WWOX: variants seen among roughly 807,000 people sequenced by gnomAD.
WWOX encodes the protein WW domain containing oxidoreductase.
In WWOX, 69 loss-of-function variants were observed where a neutral mutation model predicts 46.2. The observed-to-expected ratio is 1.49, with a 90% CI of 1.23 to 1.82. The LOEUF is 1.82. Ranked by LOEUF, WWOX falls within the 40% of genes most tolerant of loss-of-function variation. The pLI is 0.00. For synonymous variants in WWOX, 359 were observed against 202.6 expected, an observed-to-expected ratio of 1.77 and a Z score of -6.56; for missense variants, 919 against 542.6, an observed-to-expected ratio of 1.69 and a Z score of -6.89.
chr16:78,982,009 T>A (rs1459171621), intron 8 of WWOX, among the ~76,000 whole-genome samples: 3 of 152,190 alleles, frequency 2.0e-5, no homozygotes, highest in East Asian at 1.9e-4. Flanking sequence ...AATCTCAGTT[T>A]CAACATCTGT....
intron 5 of WWOX, among the ~76,000 whole-genome samples, chr16:78,377,463 C>T (rs776845663): frequency 3.2e-4 from 49 of 152,244 alleles, no homozygotes; most frequent in Non-Finnish European, 6.3e-4. Context: ...GCCTGCAATC[C>T]TTCAGGAAAA....
At chr16:78,383,796 A>C (rs1430088215) in intron 5 of WWOX, among the ~76,000 whole-genome samples, 3 of 152,156 alleles carry the variant, frequency 2.0e-5, no homozygotes. Flanking sequence ...GGGCAAGAGA[A>C]TTGCCTGAAT....
intron 5 of WWOX, among the ~76,000 whole-genome samples, chr16:78,376,157 G>A (rs909113916): frequency 4.6e-5 from 7 of 152,174 alleles, no homozygotes; most frequent in South Asian, 2.1e-4. Context: ...GCCGCTTCTC[G>A]TAGATACTAC....
chr16:78,713,419 G>C (rs1026346618), intron 8 of WWOX, among the ~76,000 whole-genome samples: 1 of 151,512 alleles, frequency 6.6e-6, no homozygotes, highest in Non-Finnish European at 1.5e-5. Flanking sequence ...TTTGGTATCT[G>C]TTAGGAGCTG....
intron 8 of WWOX, among the ~76,000 whole-genome samples, chr16:79,074,656 T>C (rs887726300): frequency 6.6e-6 from 1 of 152,072 alleles, no homozygotes; most frequent in Admixed American, 6.6e-5. Flanking sequence ...GATGAGGTAA[T>C]GTTTGTAAAG....
At chr16:78,633,776 TGTG>T (rs1187657328) in intron 8 of WWOX, among the ~76,000 whole-genome samples, 1 of 152,230 alleles carries the variant, frequency 6.6e-6, no homozygotes, top group Non-Finnish European at 1.5e-5. Context: ...GACTCCAGGC[TGTG>T]GTGTGCGGTG....
chr16:78,431,088 G>C (rs1008554504), intron 7 of WWOX, among the ~76,000 whole-genome samples: 1 of 152,116 alleles, frequency 6.6e-6, no homozygotes, highest in African/African-American at 2.4e-5. Flanking sequence ...AATTCCTTTT[G>C]TTTGCTGTGA....
intron 8 of WWOX, among the ~76,000 whole-genome samples, chr16:78,835,052 G>A (rs972305781): frequency 7.9e-5 from 12 of 152,174 alleles, no homozygotes; most frequent in African/African-American, 1.7e-4. Flanking sequence ...TTTGGAGGGC[G>A]TTAGTGTGCC....
chr16:79,147,356 A>C (rs1224136983), intron 8 of WWOX, among the ~76,000 whole-genome samples: 1 of 152,158 alleles, frequency 6.6e-6, no homozygotes, highest in East Asian at 1.9e-4. Flanking sequence ...ATAGTATGTA[A>C]TCTTTTGGGG....
intron 8 of WWOX, among the ~76,000 whole-genome samples, chr16:78,935,833 G>T (rs527250958): frequency 6.6e-6 from 1 of 152,178 alleles, no homozygotes; most frequent in East Asian, 1.9e-4. Flanking sequence ...GATCACTTCA[G>T]CTCAGGTGGT....
chr16:78,477,244 T>C (rs1424243014), intron 8 of WWOX, among the ~76,000 whole-genome samples: 2 of 152,204 alleles, frequency 1.3e-5, no homozygotes, highest in Non-Finnish European at 2.9e-5. Context: ...AAGGGGATGA[T>C]CTTCTAGTCT....
chr16:79,021,380 C>T (rs370499762), intron 8 of WWOX, among the ~76,000 whole-genome samples: 45 of 152,260 alleles, frequency 3.0e-4, no homozygotes, highest in African/African-American at 1.1e-3. Context: ...TCACGGACCC[C>T]TTGGGCATTT....
intron 5 of WWOX, among the ~76,000 whole-genome samples, chr16:78,188,434 G>A (rs1736073470): frequency 6.7e-6 from 1 of 150,358 alleles, no homozygotes; most frequent in Non-Finnish European, 1.5e-5. Context: ...ATTGCAGTGA[G>A]CTGGGATTGT....
chr16:78,810,485 C>A (rs145062134), intron 8 of WWOX, among the ~76,000 whole-genome samples: 9 of 152,150 alleles, frequency 5.9e-5, no homozygotes, highest in South Asian at 4.1e-4. Flanking sequence ...TTATGGGAAC[C>A]CCCTGTATCA....
intron 8 of WWOX, among the ~76,000 whole-genome samples, chr16:78,840,170 C>T (rs1424552622): frequency 6.6e-6 from 1 of 152,156 alleles, no homozygotes; most frequent in African/African-American, 2.4e-5. Flanking sequence ...CCAGTTGACC[C>T]TCAGTGTGTA....
At chr16:79,053,686 T>G (rs1022563765) in intron 8 of WWOX, among the ~76,000 whole-genome samples, 2 of 152,180 alleles carry the variant, frequency 1.3e-5, no homozygotes, top group African/African-American at 4.8e-5. Flanking sequence ...TGGGGAACGC[T>G]TTTAGAGGAT....
intron 8 of WWOX, among the ~76,000 whole-genome samples, chr16:78,759,263 G>T (rs911693977): frequency 2.0e-5 from 3 of 152,194 alleles, no homozygotes; most frequent in Non-Finnish European, 4.4e-5. Flanking sequence ...TTGAAGGTGG[G>T]CATGGCAGGG....
At chr16:78,226,608 A>T in intron 5 of WWOX, among the ~76,000 whole-genome samples, 1 of 140,836 alleles carries the variant, frequency 7.1e-6, no homozygotes, top group Admixed American at 7.2e-5. Context: ...TTCCTGTATT[A>T]TTTTCTTGTA....
At chr16:78,733,985 A>T (rs574674658) in intron 8 of WWOX, among the ~76,000 whole-genome samples, 1 of 150,350 alleles carries the variant, frequency 6.7e-6, no homozygotes, top group East Asian at 2.0e-4. Context: ...CTCTGCACCC[A>T]GGTAGCCGAG....
Sources: allele counts gnomAD v4.1 joint callset (sites outside exome capture counted in the v4.1 genomes callset), GRCh38; gene constraint gnomAD v4.1.1; transcripts MANE v1.5; gene names NCBI Gene and HGNC (gene_info 2026-07-23, HGNC 2026-07-21).